The following NRXN1 variants were observed in gnomAD, a reference collection of about 807,000 sequenced individuals.
The protein encoded by NRXN1 is neurexin-1.
NRXN1 carries 39 observed loss-of-function variants against 150.9 expected under a neutral mutation model. The observed-to-expected ratio is 0.26, with a 90% CI of 0.20 to 0.34. The LOEUF (loss-of-function observed/expected upper bound fraction) is 0.34, where lower values mean the gene tolerates loss of function less well. Among genes scored for constraint, NRXN1 ranks in the 10% least tolerant of loss-of-function variants. NRXN1 has a pLI of 1.00. For missense variants in NRXN1, 1,815 were observed against 1,949.9 expected, an observed-to-expected ratio of 0.93 and a Z score of 1.30; for synonymous variants, 924 against 757.0, an observed-to-expected ratio of 1.22 and a Z score of -3.62.
chr2:50,157,162 T>C (rs1280722128), intron 18 of NRXN1, among the ~76,000 whole-genome samples: 1 of 151,988 alleles, frequency 6.6e-6, no homozygotes, highest in Non-Finnish European at 1.5e-5. Context: ...ATGGATATTG[T>C]GGTGAATAAG....
At chr2:50,475,974 C>G (rs565445804) in intron 15 of NRXN1, among the ~76,000 whole-genome samples, 1 of 151,984 alleles carries the variant, frequency 6.6e-6, no homozygotes, top group Non-Finnish European at 1.5e-5. Context: ...TGAACAAGAG[C>G]CTGCATGGGC....
intron 5 of NRXN1, among the ~76,000 whole-genome samples, chr2:50,894,556 G>A (rs1681624281): frequency 6.6e-6 from 1 of 151,884 alleles, no homozygotes; most frequent in Non-Finnish European, 1.5e-5. Context: ...GAAATTATAT[G>A]GGCAGCACTT....
intron 8 of NRXN1, among the ~76,000 whole-genome samples, chr2:50,584,201 G>T (rs932220602): frequency 2.6e-5 from 4 of 152,144 alleles, no homozygotes; most frequent in African/African-American, 9.7e-5. Context: ...AAGATAATGG[G>T]TTCAAAGGTA....
intron 5 of NRXN1, among the ~76,000 whole-genome samples, chr2:50,824,221 C>A (rs987466575): frequency 6.6e-6 from 1 of 151,600 alleles, no homozygotes; most frequent in Non-Finnish European, 1.5e-5. Context: ...TTGTTAACAT[C>A]CAATATATAA....
chr2:50,960,719 G>C (rs1693035614), intron 2 of NRXN1, among the ~76,000 whole-genome samples: 2 of 151,858 alleles, frequency 1.3e-5, no homozygotes, highest in Admixed American at 6.6e-5. Flanking sequence ...TTTACACTCT[G>C]CCTCTGGGCC....
At chr2:50,311,806 CCTAA>C (rs2075205822) in intron 17 of NRXN1, among the ~76,000 whole-genome samples, 1 of 152,024 alleles carries the variant, frequency 6.6e-6, no homozygotes, top group Non-Finnish European at 1.5e-5. Flanking sequence ...ATCTGTGGTT[CCTAA>C]CTGTCACAAC....
chr2:51,004,069 GAA>G (rs35431808), intron 2 of NRXN1, among the ~76,000 whole-genome samples: 45 of 143,684 alleles, frequency 3.1e-4, no homozygotes, highest in African/African-American at 9.3e-4. Flanking sequence ...GGTGGTGGGG[GAA>G]AAAAAAAAAA....
chr2:50,730,672 C>CTTTTTTTTT lies in NRXN1; in HGVS notation c.833-107066_833-107058dup, dbSNP rs56042523. On this transcript the variant is annotated intron_variant, in intron 5 of 22. Transcript: ENST00000401669. ...AATCTTCCTTTATCTTTCTTGTTTT[C>CTTTTTTTTT]TTTTTTTTTTTTTTTTTTGAGACGG... is the stretch of plus-strand genomic sequence containing the variant. 7.7e-4 allele frequency among the ~76,000 whole-genome samples: 94 copies of CTTTTTTTTT among 121,978 alleles called. 1 individual carries two copies. The highest frequency in any genetic ancestry group is 1.2e-3 in the East Asian group (5 of 4,200). 80.0% of individuals were successfully genotyped at this position (121,978 alleles called of 152,430 possible). A position where few individuals can be genotyped will look rare whatever the true frequency, so the allele number is the denominator to read the frequency against.
chr2:50,182,104 C>T (rs1299127382), intron 18 of NRXN1, among the ~76,000 whole-genome samples: 1 of 114,454 alleles, frequency 8.7e-6, no homozygotes, highest in Non-Finnish European at 1.7e-5. Context: ...CTTAAAAATT[C>T]ATTATCCTTT....
rs548148804 is a variant in NRXN1 at position 50,598,607 on chromosome 2, T to C, written c.1320+21415A>G. Among the ~76,000 whole-genome samples, 33 of 147,428 alleles carry C rather than the reference T, an allele frequency of 2.2e-4. No individual in the cohort carries two copies. The Middle Eastern group carries it at 0.011, about 48-fold the overall frequency. On this transcript the variant is annotated intron_variant, in intron 8 of 22. Transcript: ENST00000401669. ...ATATATGTATATATGCGCGTGTATA[T>C]ATACATATATATACATGTATATATG...
Position 50,675,317 on chromosome 2 carries a change from C to T in NRXN1, c.833-51702G>A, listed in dbSNP as rs186783904. On this transcript the variant is annotated intron_variant, in intron 5 of 22. Coordinates refer to ENST00000401669, the MANE Select transcript of NRXN1 (RefSeq NM_001330078.2). ...AATCAATAGATTTTAAATTAATTGG[C>T]GATACTGCTTGCGTCTAACGTGCTC... Among the ~76,000 whole-genome samples, 279 of 152,192 alleles carry T rather than the reference C, an allele frequency of 1.8e-3. 1 individual carries two copies. The highest frequency in any genetic ancestry group is 2.3e-3 in the Non-Finnish European group (155 of 68,010).
chr2:50,812,712 T>C (rs973557850), intron 5 of NRXN1, among the ~76,000 whole-genome samples: 5 of 139,398 alleles, frequency 3.6e-5, no homozygotes, highest in African/African-American at 1.4e-4. Flanking sequence ...TAATATACCA[T>C]AAATAATAAG....
chr2:50,521,617 G>C (rs1014667), intron 12 of NRXN1, among the ~76,000 whole-genome samples: 4,188 of 152,258 alleles, frequency 0.028, 82 homozygotes, highest in East Asian at 0.073. Flanking sequence ...ATGATTTAAA[G>C]AGCCTTGCCC....
chr2:50,332,824 T>C (rs376011328), intron 17 of NRXN1, among the ~76,000 whole-genome samples: 15 of 152,324 alleles, frequency 9.8e-5, no homozygotes, highest in African/African-American at 3.4e-4. Flanking sequence ...TGTATGCATA[T>C]TTTTTGAGTT....
At chr2:50,131,289 C>G (rs150840366) in intron 18 of NRXN1, among the ~76,000 whole-genome samples, 1 of 152,284 alleles carries the variant, frequency 6.6e-6, no homozygotes, top group East Asian at 1.9e-4. Flanking sequence ...GCTAGTGTTT[C>G]AAGGACTATC....
At chr2:50,397,962 C>T (rs2082151014) in intron 17 of NRXN1, among the ~76,000 whole-genome samples, 2 of 152,002 alleles carry the variant, frequency 1.3e-5, no homozygotes, top group Admixed American at 6.6e-5. Context: ...TTTGGACACT[C>T]AAAACAAGAT....
At chr2:50,163,442 T>A (rs2059487923) in intron 18 of NRXN1, among the ~76,000 whole-genome samples, 1 of 152,148 alleles carries the variant, frequency 6.6e-6, no homozygotes, top group African/African-American at 2.4e-5. Flanking sequence ...AACAGACAGA[T>A]CTACTTGATA....
At chr2:50,663,527 A>G (rs927251352) in intron 5 of NRXN1, among the ~76,000 whole-genome samples, 4 of 152,038 alleles carry the variant, frequency 2.6e-5, no homozygotes, top group Non-Finnish European at 5.9e-5. Context: ...CTTTAGATAA[A>G]TAGAAAAAAT....
chr2:50,344,684 G>A (rs1271549102), intron 17 of NRXN1, among the ~76,000 whole-genome samples: 1 of 152,220 alleles, frequency 6.6e-6, no homozygotes, highest in Non-Finnish European at 1.5e-5. Context: ...GACGGCGCCT[G>A]ACTGGGGCAG....
Sources: allele counts gnomAD v4.1 joint callset (sites outside exome capture counted in the v4.1 genomes callset), GRCh38; gene constraint gnomAD v4.1.1; transcripts MANE v1.5; gene names NCBI Gene and HGNC (gene_info 2026-07-23, HGNC 2026-07-21).